The following PALM2AKAP2 variants were observed in gnomAD, a reference collection of about 807,000 sequenced individuals.
The protein encoded by PALM2AKAP2 is PALM2 and AKAP2 fusion, also known as PALM2-AKAP2 fusion protein.
Under a neutral mutation model 71.5 loss-of-function variants are expected in PALM2AKAP2, and 37 were observed. The observed-to-expected ratio is 0.52, with a 90% CI of 0.40 to 0.68. The LOEUF is 0.68. PALM2AKAP2 is among the 30% of genes least tolerant of loss of function. The pLI, the probability that PALM2AKAP2 is intolerant of heterozygous loss-of-function variation, is 0.00. For synonymous variants in PALM2AKAP2, 468 were observed against 478.8 expected, an observed-to-expected ratio of 0.98 and a Z score of 0.29; for missense variants, 1,224 against 1,191.8, an observed-to-expected ratio of 1.03 and a Z score of -0.40.
chr9:109,865,186 C>T (rs1317513041), intron 1 of PALM2AKAP2, among the ~76,000 whole-genome samples: 1 of 144,790 alleles, frequency 6.9e-6, no homozygotes, highest in African/African-American at 2.7e-5. Flanking sequence ...GCAACCTCTA[C>T]CCACTGGGTT....
chr9:110,015,397 G>A (rs184314246), intron 6 of PALM2AKAP2, among the ~76,000 whole-genome samples: 261 of 152,230 alleles, frequency 1.7e-3, no homozygotes, highest in Admixed American at 3.3e-3. Flanking sequence ...TCAGGAGTTC[G>A]AGACCAGCCT....
At chr9:110,153,867 A>G (rs1369945895) in intron 2 of PALM2AKAP2, among the ~76,000 whole-genome samples, 1 of 152,268 alleles carries the variant, frequency 6.6e-6, no homozygotes. Context: ...TCACAGAAAT[A>G]TAAACAGGAG....
At chr9:109,905,806 C>T (rs1397158781) in intron 3 of PALM2AKAP2, among the ~76,000 whole-genome samples, 3 of 152,138 alleles carry the variant, frequency 2.0e-5, no homozygotes, top group South Asian at 2.1e-4. Context: ...TTGGCCAACA[C>T]GTTACCATAA....
intron 6 of PALM2AKAP2, among the ~76,000 whole-genome samples, chr9:109,956,756 T>G (rs932540774): frequency 6.6e-6 from 1 of 152,196 alleles, no homozygotes; most frequent in Non-Finnish European, 1.5e-5. Flanking sequence ...GTCAAAAACA[T>G]AGCTCCATCT....
At chr9:109,907,537 C>T (rs949394341) in intron 3 of PALM2AKAP2, among the ~76,000 whole-genome samples, 1 of 152,188 alleles carries the variant, frequency 6.6e-6, no homozygotes, top group Non-Finnish European at 1.5e-5. Flanking sequence ...AGCCATGATG[C>T]AGCCCTCAGC....
At chr9:109,757,101 C>T (rs1018107260) in intron 1 of PALM2AKAP2, among the ~76,000 whole-genome samples, 1 of 152,084 alleles carries the variant, frequency 6.6e-6, no homozygotes, top group Non-Finnish European at 1.5e-5. Context: ...GCCAACCACT[C>T]TTTATCCCCA....
chr9:110,113,569 G>C (rs532502170), intron 1 of PALM2AKAP2, among the ~76,000 whole-genome samples: 12 of 151,378 alleles, frequency 7.9e-5, no homozygotes, highest in Non-Finnish European at 1.5e-5. Flanking sequence ...TGTTGCCCAG[G>C]CTGGAGTGTA....
intron 1 of PALM2AKAP2, among the ~76,000 whole-genome samples, chr9:109,734,748 T>A (rs1199463949): frequency 2.0e-5 from 3 of 152,188 alleles, no homozygotes; most frequent in Non-Finnish European, 4.4e-5. Context: ...AAAGTGAAGA[T>A]AACTTTCCCA....
At chr9:109,796,971 A>T (rs1009991348) in intron 1 of PALM2AKAP2, among the ~76,000 whole-genome samples, 2 of 152,186 alleles carry the variant, frequency 1.3e-5, no homozygotes, top group African/African-American at 4.8e-5. Context: ...AATGTTAGCT[A>T]GGGGGTGGTA....
chr9:110,145,328 CTT>C (rs1587857631), intron 2 of PALM2AKAP2, among the ~76,000 whole-genome samples: 1 of 152,186 alleles, frequency 6.6e-6, no homozygotes, highest in African/African-American at 2.4e-5. Context: ...AAGGGACTAA[CTT>C]AGTCCACATC....
chr9:109,921,346 G>A (rs1386165311), intron 3 of PALM2AKAP2, among the ~76,000 whole-genome samples: 1 of 152,102 alleles, frequency 6.6e-6, no homozygotes. Flanking sequence ...TTGCTGTAGG[G>A]TGCCATCCGG....
intron 1 of PALM2AKAP2, among the ~76,000 whole-genome samples, chr9:109,678,519 C>T (rs566093839): frequency 1.4e-4 from 21 of 152,234 alleles, no homozygotes; most frequent in East Asian, 5.8e-4. Flanking sequence ...TCAAGGTGAG[C>T]GAAGCAAAGC....
At chr9:109,808,350 A>G (rs1230034531) in intron 1 of PALM2AKAP2, among the ~76,000 whole-genome samples, 1 of 151,786 alleles carries the variant, frequency 6.6e-6, no homozygotes, top group Non-Finnish European at 1.5e-5. Context: ...AGCAAAGGAG[A>G]CTCTTGTTAT....
chr9:109,932,258 C>T (rs952751537), intron 6 of PALM2AKAP2, among the ~76,000 whole-genome samples: 1 of 152,196 alleles, frequency 6.6e-6, no homozygotes, highest in South Asian at 2.1e-4. Context: ...ATTTCACCTC[C>T]GACTTCGGGG....
At position 109,828,203 on chromosome 9, in the gene PALM2AKAP2, G is replaced by A. The variant is rs183808710; in HGVS notation, c.46-39288G>A. On this transcript the variant is annotated intron_variant, in intron 1 of 9. Coordinates refer to the PALM2AKAP2 transcript ENST00000302798. ...GACAGAAGTGGTGTCCTTCTTTCAG[G>A]CATCTAGGTTTGTTTCTTTGGGGTG... Among the ~76,000 whole-genome samples the A allele has an allele frequency of 9.8e-4, 149 of 152,212 alleles. 3 individuals are homozygous for A. The highest frequency in any genetic ancestry group is 1.5e-3 in the Admixed American group (23 of 15,296).
chr9:110,140,674 T>A (rs577905186), intron 2 of PALM2AKAP2, among the ~76,000 whole-genome samples: 25 of 152,354 alleles, frequency 1.6e-4, no homozygotes, highest in Admixed American at 1.5e-3. Context: ...GTTTATTATT[T>A]AACTAGCCCT....
intron 6 of PALM2AKAP2, among the ~76,000 whole-genome samples, chr9:109,967,703 C>G (rs1285404403): frequency 6.6e-6 from 1 of 152,248 alleles, no homozygotes; most frequent in East Asian, 1.9e-4. Context: ...AGCCACCGCA[C>G]TTGGCTGAGA....
intron 2 of PALM2AKAP2, among the ~76,000 whole-genome samples, chr9:110,145,174 A>G (rs1323969254): frequency 6.6e-6 from 1 of 152,072 alleles, no homozygotes; most frequent in Non-Finnish European, 1.5e-5. Flanking sequence ...GCCTGGGTGT[A>G]TAAATTTGAC....
At chr9:109,924,264 A>G (rs1830900778) in intron 4 of PALM2AKAP2, among the ~76,000 whole-genome samples, 1 of 152,228 alleles carries the variant, frequency 6.6e-6, no homozygotes, top group African/African-American at 2.4e-5. Flanking sequence ...GCAACACCTT[A>G]TGAAGTGGAC....
Sources: allele counts gnomAD v4.1 joint callset (sites outside exome capture counted in the v4.1 genomes callset), GRCh38; gene constraint gnomAD v4.1.1; transcripts MANE v1.5; gene names NCBI Gene and HGNC (gene_info 2026-07-23, HGNC 2026-07-21).